The following PRKACB variants were observed in gnomAD, a reference collection of about 807,000 sequenced individuals.
The protein encoded by PRKACB is protein kinase cAMP-activated catalytic subunit beta.
In PRKACB, 16 loss-of-function variants were observed where a neutral mutation model predicts 51.4. The observed-to-expected ratio is 0.31, with a 90% CI of 0.21 to 0.47. The LOEUF is 0.47. Among genes scored for constraint, PRKACB ranks in the 20% least tolerant of loss-of-function variants. PRKACB has a pLI of 1.00. For synonymous variants in PRKACB, 147 were observed against 154.4 expected (o/e 0.95, Z 0.35); for missense variants, 309 against 464.5 (o/e 0.67, Z 3.08).
At chr1:84,135,593 G>A (rs775134691) in intron 1 of PRKACB, among the ~76,000 whole-genome samples, 2 of 152,122 alleles carry the variant, frequency 1.3e-5, no homozygotes, top group Non-Finnish European at 2.9e-5. Flanking sequence ...TTAGACTACA[G>A]TGGAATTAAA....
intron 7 of PRKACB, among the ~76,000 whole-genome samples, chr1:84,201,421 C>T (rs1014945754): frequency 2.0e-5 from 3 of 151,682 alleles, no homozygotes; most frequent in Non-Finnish European, 2.9e-5. Flanking sequence ...GATTTCTATA[C>T]CTTGGGTATT....
rs751299492 is a variant in PRKACB, at chr1:84,128,154, G to A, written c.46+49783G>A. 1.7e-3 allele frequency among the ~76,000 whole-genome samples: 264 copies of A among 151,016 alleles called. 2 individuals are homozygous for A. Among genetic ancestry groups the A allele is most frequent in the Non-Finnish European group, 6.9e-4 (47 of 67,790 alleles). On this transcript the variant is annotated intron_variant, in intron 1 of 8. Coordinates refer to the PRKACB transcript ENST00000370688. ...TTCCTGAGTAGCTGGAATTACAGGC[G>A]CCCACCACCACGCCCAGCTAATTTT... is the stretch of plus-strand genomic sequence containing the variant.
intron 1 of PRKACB, among the ~76,000 whole-genome samples, chr1:84,175,266 G>A (rs1234262507): frequency 6.6e-6 from 1 of 151,548 alleles, no homozygotes; most frequent in Non-Finnish European, 1.5e-5. Context: ...TGGTATTTTA[G>A]AAAGAATAAC....
chr1:84,087,040 C>A (rs965660347), intron 1 of PRKACB, among the ~76,000 whole-genome samples: 1 of 152,202 alleles, frequency 6.6e-6, no homozygotes, highest in Non-Finnish European at 1.5e-5. Flanking sequence ...AGTAAAGGAG[C>A]CATCAAAATG....
Position 84,176,686 on chromosome 1 carries a change from G to A in PRKACB, c.188-2491G>A, listed in dbSNP as rs537988054. ...TTAGTGCCCATCCTTTAATGTACTC[G>A]AAAAGAAAATCCCTTTATATTTTGA... On this transcript the variant is annotated intron_variant, in intron 1 of 9. Transcript: ENST00000370685. 2.6e-5 allele frequency among the ~76,000 whole-genome samples: 4 copies of A among 151,494 alleles called. No homozygotes were observed. The South Asian group carries it at 6.3e-4, about 24-fold the overall frequency.
intron 1 of PRKACB, among the ~76,000 whole-genome samples, chr1:84,149,728 G>A (rs913010395): frequency 6.6e-6 from 1 of 151,974 alleles, no homozygotes; most frequent in South Asian, 2.1e-4. Flanking sequence ...ATTAAAAAAT[G>A]CCATGATAAA....
At chr1:84,128,627 TAC>T (rs1651873614) in intron 1 of PRKACB, among the ~76,000 whole-genome samples, 1 of 152,208 alleles carries the variant, frequency 6.6e-6, no homozygotes, top group Non-Finnish European at 1.5e-5. Context: ...ATTAATGTAA[TAC>T]AGTTTACAAA....
intron 1 of PRKACB, among the ~76,000 whole-genome samples, chr1:84,168,411 C>T (rs1415397652): frequency 6.6e-6 from 1 of 151,486 alleles, no homozygotes; most frequent in Non-Finnish European, 1.5e-5. Flanking sequence ...TTTGATGTAA[C>T]TAGCATCATT....
At chr1:84,119,123 C>T (rs548545332) in intron 1 of PRKACB, among the ~76,000 whole-genome samples, 3 of 152,076 alleles carry the variant, frequency 2.0e-5, no homozygotes, top group African/African-American at 4.8e-5. Flanking sequence ...CTGCCTCTGC[C>T]ATGTCTTTCT....
chr1:84,194,330 T>A (rs2101153238), intron 5 of PRKACB, among the ~76,000 whole-genome samples: 1 of 152,314 alleles, frequency 6.6e-6, no homozygotes, highest in East Asian at 1.9e-4. Flanking sequence ...GCAAGTTGAT[T>A]GAAGGAATTC....
chr1:84,082,492 A>C (rs1285829522), intron 1 of PRKACB, among the ~76,000 whole-genome samples: 1 of 152,188 alleles, frequency 6.6e-6, no homozygotes, highest in Non-Finnish European at 1.5e-5. Flanking sequence ...TAATTACTAC[A>C]GTACTTATAT....
intron 8 of PRKACB, chr1:84,204,741 AT>A (rs1452309527): frequency 8.2e-6 from 7 of 850,230 alleles, no homozygotes; most frequent in Non-Finnish European, 8.8e-6. Context: ...TCTTTACTAT[AT>A]TACTTTTATT....
At chr1:84,111,973 A>C (rs1650266626) in intron 1 of PRKACB, among the ~76,000 whole-genome samples, 1 of 152,142 alleles carries the variant, frequency 6.6e-6, no homozygotes, top group Middle Eastern at 3.2e-3. Context: ...AGTCAAGAAG[A>C]CTAATTATGT....
intron 7 of PRKACB, among the ~76,000 whole-genome samples, chr1:84,199,770 CAGTGTCTA>C (rs1413842617): frequency 6.6e-6 from 1 of 152,208 alleles, no homozygotes; most frequent in Admixed American, 6.6e-5. Context: ...CTCCTACCAA[CAGTGTCTA>C]AGTGTTCACT....
intron 5 of PRKACB, among the ~76,000 whole-genome samples, chr1:84,186,707 G>C (rs1665216683): frequency 6.6e-6 from 1 of 152,072 alleles, no homozygotes; most frequent in Non-Finnish European, 1.5e-5. Flanking sequence ...ATTATTCCTT[G>C]GTGCTCGGAT....
At chr1:84,173,268 ACTT>A in intron 1 of PRKACB, 1 of 1,364,862 alleles carries the variant, frequency 7.3e-7, no homozygotes, top group Non-Finnish European at 1.0e-6. Flanking sequence ...TAGATGGGTA[ACTT>A]CTTGTAGGTA....
At chr1:84,148,798 A>G (rs568065067) in intron 1 of PRKACB, among the ~76,000 whole-genome samples, 4 of 152,354 alleles carry the variant, frequency 2.6e-5, no homozygotes, top group Admixed American at 6.5e-5. Flanking sequence ...TGTTGAAATC[A>G]GGAAATCATT....
rs903961953 is a variant in PRKACB, at chr1:84,181,958, T to C, written c.250-242T>C. On this transcript the variant is annotated intron_variant, in intron 2 of 9. Transcript: ENST00000370685. ...TTTAATATTTCAGCTGAGGCTCTTA[T>C]TTCCTCCTATTACTATTATGCTCTG... Among the ~76,000 whole-genome samples, 4 of 152,036 alleles carry C rather than the reference T, an allele frequency of 2.6e-5. No individual in the cohort carries two copies. The East Asian group carries it at 5.8e-4, about 22-fold the overall frequency.
At chr1:84,110,841 A>G (rs745569158) in intron 1 of PRKACB, among the ~76,000 whole-genome samples, 4 of 151,950 alleles carry the variant, frequency 2.6e-5, no homozygotes, top group African/African-American at 4.8e-5. Context: ...TGCACTTCCT[A>G]TTTTGGTGAA....
Sources: gnomAD v4.1 joint callset for allele counts (sites outside exome capture counted in the v4.1 genomes callset) on GRCh38, gnomAD v4.1.1 for gene constraint, MANE v1.5 for transcripts, NCBI Gene and HGNC (gene_info 2026-07-23, HGNC 2026-07-21) for gene names.